Variants in TENM3 observed in about 807,000 individuals in gnomAD.
TENM3 encodes the protein teneurin transmembrane protein 3.
A neutral mutation model predicts 255.1 loss-of-function variants in TENM3; 63 were observed. The ratio of observed to expected loss-of-function variants is 0.25; its 90% confidence interval spans 0.20 to 0.30. The LOEUF is 0.30. Ranked by LOEUF, TENM3 falls within the 10% of genes least tolerant of loss-of-function variation. TENM3 has a pLI of 1.00. For synonymous variants in TENM3, 1,306 were observed against 1,322.3 expected, an observed-to-expected ratio of 0.99 and a Z score of 0.27; for missense variants, 2,929 against 3,461.1, an observed-to-expected ratio of 0.85 and a Z score of 3.86.
At chr4:182,165,643 T>C (rs1231007793) in intron 1 of TENM3, among the ~76,000 whole-genome samples, 2 of 152,214 alleles carry the variant, frequency 1.3e-5, no homozygotes, top group African/African-American at 2.4e-5. Context: ...TTAGAAAATA[T>C]GTATACAGCT....
At chr4:182,051,837 G>T in the TENM3 span, among the ~76,000 whole-genome samples, 1 of 152,148 alleles carries the variant, frequency 6.6e-6, no homozygotes, top group Non-Finnish European at 1.5e-5. Context: ...GAGTACTTAA[G>T]ATCATTGCAA....
chr4:181,887,371 C>T, the TENM3 span, among the ~76,000 whole-genome samples: 1 of 152,070 alleles, frequency 6.6e-6, no homozygotes, highest in South Asian at 2.1e-4. Context: ...TGACAAAATA[C>T]ATTAGATTTC....
chr4:182,150,363 A>G (rs1750257944), intron 1 of TENM3, among the ~76,000 whole-genome samples: 1 of 152,076 alleles, frequency 6.6e-6, no homozygotes, highest in South Asian at 2.1e-4. Flanking sequence ...GACTAAAGGG[A>G]AAATTTTGTC....
chr4:182,553,595 A>G (rs1254465802), intron 3 of TENM3, among the ~76,000 whole-genome samples: 1 of 152,192 alleles, frequency 6.6e-6, no homozygotes, highest in Non-Finnish European at 1.5e-5. Context: ...TTAAGAGCAT[A>G]ATGAAAGTTT....
the TENM3 span, among the ~76,000 whole-genome samples, chr4:181,658,827 ACTGT>A: frequency 6.6e-6 from 1 of 152,190 alleles, no homozygotes. Flanking sequence ...GCTTAAAGAA[ACTGT>A]CTGAAGCTCC....
the TENM3 span, among the ~76,000 whole-genome samples, chr4:181,510,602 T>C: frequency 1.3e-5 from 2 of 152,136 alleles, no homozygotes; most frequent in Admixed American, 6.5e-5. Context: ...AGGAAACAGA[T>C]GTGTCAGACA....
At chr4:182,094,434 G>C in the TENM3 span, among the ~76,000 whole-genome samples, 1 of 152,138 alleles carries the variant, frequency 6.6e-6, no homozygotes, top group African/African-American at 2.4e-5. Flanking sequence ...TTTTAGTAGA[G>C]ACGGGGTTTC....
chr4:182,428,813 TA>T (rs1771420968), intron 3 of TENM3, among the ~76,000 whole-genome samples: 1 of 152,172 alleles, frequency 6.6e-6, no homozygotes, highest in Admixed American at 6.6e-5. Context: ...ATAAAAAAAT[TA>T]AAAGAGGAAT....
intron 4 of TENM3, among the ~76,000 whole-genome samples, chr4:182,618,899 A>G (rs769278220): frequency 6.6e-6 from 1 of 152,198 alleles, no homozygotes; most frequent in Non-Finnish European, 1.5e-5. Context: ...AAGAAATGCT[A>G]TAAAGGAAAG....
chr4:182,558,136 C>A (rs971755465), intron 3 of TENM3, among the ~76,000 whole-genome samples: 1 of 152,112 alleles, frequency 6.6e-6, no homozygotes, highest in South Asian at 2.1e-4. Context: ...GGTTTGCCCT[C>A]GATGGAGTGC....
At chr4:182,128,662 T>A in the TENM3 span, among the ~76,000 whole-genome samples, 3 of 152,226 alleles carry the variant, frequency 2.0e-5, no homozygotes, top group Admixed American at 2.0e-4. Flanking sequence ...GGTATAACAC[T>A]AAGAACGAAG....
At chr4:182,468,901 G>A (rs1280099055) in intron 3 of TENM3, among the ~76,000 whole-genome samples, 5 of 148,876 alleles carry the variant, frequency 3.4e-5, no homozygotes, top group African/African-American at 4.9e-5. Context: ...TATTAACATC[G>A]TGTCTTCTTT....
chr4:181,673,377 G>T, the TENM3 span, among the ~76,000 whole-genome samples: 1 of 151,978 alleles, frequency 6.6e-6, no homozygotes, highest in African/African-American at 2.4e-5. Flanking sequence ...TATAAATCCT[G>T]CCTTTGATTA....
rs142958883 is a variant in TENM3, at chr4:182,721,889, G to GT, written c.2369-7069dup. Among the ~76,000 whole-genome samples, 310 of 151,616 alleles carry GT rather than the reference G, an allele frequency of 2.0e-3. 3 individuals carry two copies. The East Asian group carries it at 0.057, about 28-fold the overall frequency. The stretch of plus-strand genomic sequence containing the variant: ...TGCTAATTGCTTATTTATTTCCCTT[G>GT]TTTTTTTCTATTGAGCTGCTTGATA... On this transcript the variant is annotated intron_variant, in intron 13 of 27. Coordinates refer to ENST00000511685, the MANE Select transcript of TENM3 (RefSeq NM_001080477.4).
At chr4:182,146,929 A>G (rs985080303) in intron 1 of TENM3, among the ~76,000 whole-genome samples, 4 of 152,134 alleles carry the variant, frequency 2.6e-5, no homozygotes, top group African/African-American at 9.7e-5. Flanking sequence ...GGCTTTTCTT[A>G]CTATGATTCT....
intron 24 of TENM3, among the ~76,000 whole-genome samples, chr4:182,783,214 T>TA (rs1765329436): frequency 6.6e-6 from 1 of 152,256 alleles, no homozygotes; most frequent in Non-Finnish European, 1.5e-5. Flanking sequence ...TTTCCATGTT[T>TA]AGTGCTTCCT....
intron 2 of TENM3, among the ~76,000 whole-genome samples, chr4:182,341,137 G>A (rs1020280337): frequency 6.6e-6 from 1 of 152,116 alleles, no homozygotes; most frequent in Non-Finnish European, 1.5e-5. Context: ...CCTAGAAGAG[G>A]CAATAAATTA....
the TENM3 span, among the ~76,000 whole-genome samples, chr4:181,469,924 T>G: frequency 4.6e-3 from 693 of 152,072 alleles, 9 homozygotes; most frequent in African/African-American, 0.016. Flanking sequence ...CCCTGCCTGT[T>G]TTTTTATTGT....
At chr4:182,041,366 A>T in the TENM3 span, among the ~76,000 whole-genome samples, 1,949 of 152,212 alleles carry the variant, frequency 0.013, 47 homozygotes, top group African/African-American at 0.044. Context: ...TCAACATTTC[A>T]CTTTTTGTAA....
Sources: gnomAD v4.1 joint callset for allele counts (sites outside exome capture counted in the v4.1 genomes callset) on GRCh38, gnomAD v4.1.1 for gene constraint, MANE v1.5 for transcripts, NCBI Gene and HGNC (gene_info 2026-07-23, HGNC 2026-07-21) for gene names.